SIM1: variants seen among roughly 807,000 people sequenced by gnomAD.
SIM1 encodes SIM bHLH transcription factor 1.
A neutral mutation model predicts 78.2 loss-of-function variants in SIM1; 18 were observed. The ratio of observed to expected loss-of-function variants is 0.23; its 90% confidence interval spans 0.16 to 0.34. The LOEUF (loss-of-function observed/expected upper bound fraction) is 0.34, where lower values mean the gene tolerates loss of function less well. Among genes scored for constraint, SIM1 ranks in the 10% least tolerant of loss-of-function variants. The probability of loss-of-function intolerance (pLI) is 1.00; values close to 1 mark genes in which losing one functional copy is unlikely to be tolerated. For missense variants in SIM1, 939 were observed against 975.1 expected, an observed-to-expected ratio of 0.96 and a Z score of 0.49; for synonymous variants, 417 against 385.2, an observed-to-expected ratio of 1.08 and a Z score of -0.97.
At position 100,448,042 on chromosome 6, in the gene SIM1, G is replaced by T. The variant is rs142413277; in HGVS notation, c.850+104C>A. Reference sequence around the variant, plus strand: ...ACACCACCACCACCCGGCTCCCTGGGCTCCCACCTGTCCTCTTGCGAGGGA... The same window carrying T: ...ACACCACCACCACCCGGCTCCCTGGTCTCCCACCTGTCCTCTTGCGAGGGA... On this transcript the variant is annotated intron_variant, in intron 8 of 11. Coordinates refer to ENST00000369208, the MANE Select transcript of SIM1 (RefSeq NM_005068.3). The T allele has an allele frequency of 1.2e-3, 1,070 of 894,472 alleles. 19 individuals carry two copies. The East Asian group carries it at 0.028, about 23-fold the overall frequency. 55.4% of individuals were successfully genotyped at this position (894,472 alleles called of 1,614,324 possible). A position where few individuals can be genotyped will look rare whatever the true frequency, so the allele number is the denominator to read the frequency against.
chr6:100,419,552 T>C (rs901721888), intron 10 of SIM1, among the ~76,000 whole-genome samples: 5 of 152,260 alleles, frequency 3.3e-5, no homozygotes, highest in African/African-American at 4.8e-5. Flanking sequence ...TACTGGATTG[T>C]CATTTTTACT....
At chr6:100,416,793 T>C (rs544672100) in intron 10 of SIM1, among the ~76,000 whole-genome samples, 1 of 152,250 alleles carries the variant, frequency 6.6e-6, no homozygotes, top group South Asian at 2.1e-4. Flanking sequence ...CAAGAAAAGA[T>C]ACAAGCAACA....
At chr6:100,402,053 A>T (rs1422071759) in intron 10 of SIM1, among the ~76,000 whole-genome samples, 1 of 152,188 alleles carries the variant, frequency 6.6e-6, no homozygotes, top group African/African-American at 2.4e-5. Context: ...GGAACAGACT[A>T]CCTTATAGGA....
At chr6:100,433,943 C>T (rs776682188) in intron 9 of SIM1, among the ~76,000 whole-genome samples, 1 of 152,116 alleles carries the variant, frequency 6.6e-6, no homozygotes, top group Non-Finnish European at 1.5e-5. Flanking sequence ...ATAGAGATGA[C>T]TACACTCTAA....
chr6:100,425,780 C>A (rs1043931464), intron 9 of SIM1, among the ~76,000 whole-genome samples: 16 of 152,170 alleles, frequency 1.1e-4, no homozygotes, highest in Admixed American at 9.2e-4. Context: ...TTTCTGGTAT[C>A]ACATATGTCC....
At chr6:100,417,020 T>C (rs1379270635) in intron 10 of SIM1, among the ~76,000 whole-genome samples, 4 of 152,020 alleles carry the variant, frequency 2.6e-5, no homozygotes, top group Admixed American at 1.3e-4. Context: ...GCCTAGCATA[T>C]AGTTGGTACC....
intron 2 of SIM1, chr6:100,462,808 G>A (rs927267315): frequency 5.9e-5 from 9 of 152,454 alleles, no homozygotes; most frequent in African/African-American, 2.2e-4. Context: ...TCACAAATAT[G>A]CATGTTACTC....
chr6:100,393,879 A>C lies in SIM1; in HGVS notation c.1178T>G (p.Phe393Cys), dbSNP rs775112789. The change falls in exon 11 of 12, where the codon TTT (phenylalanine) becomes TGT (cysteine). Residue 393 changes from phenylalanine (F) to cysteine (C), a missense_variant. This residue lies in a region of SIM1 where 556 missense variants were observed against 521.9 expected (regional missense o/e 1.07). Transcript: ENST00000369208. ...ATCAGATTCCGATCTTTCTGTGTGA[A>C]ATCCCGAATACTGAAACCGAGTAGG... Reference protein sequence around the residue: ...RTSPYPQYSGFHTERSESDHD... With the variant: ...RTSPYPQYSGCHTERSESDHD... 5 of 1,555,840 alleles carry C rather than the reference A, an allele frequency of 3.2e-6. No individual in the cohort carries two copies. The highest frequency in any genetic ancestry group is 3.8e-5 in the Admixed American group (2 of 52,586).
At chr6:100,426,959 A>C (rs974529203) in intron 9 of SIM1, among the ~76,000 whole-genome samples, 1 of 152,212 alleles carries the variant, frequency 6.6e-6, no homozygotes, top group African/African-American at 2.4e-5. Flanking sequence ...AAAGACATAC[A>C]ATTGATTTGG....
chr6:100,436,669 T>G (rs1035987876), intron 9 of SIM1, among the ~76,000 whole-genome samples: 1 of 152,188 alleles, frequency 6.6e-6, no homozygotes, highest in Non-Finnish European at 1.5e-5. Flanking sequence ...GTAGAACCCA[T>G]TATTACCCGC....
intron 2 of SIM1, among the ~76,000 whole-genome samples, chr6:100,454,759 A>G (rs1343499071): frequency 2.6e-5 from 4 of 151,896 alleles, no homozygotes; most frequent in East Asian, 3.9e-4. Flanking sequence ...AACGCTCCGG[A>G]CTCTTGTGGC....
At chr6:100,434,633 A>G (rs1771995150) in intron 9 of SIM1, among the ~76,000 whole-genome samples, 1 of 152,238 alleles carries the variant, frequency 6.6e-6, no homozygotes, top group African/African-American at 2.4e-5. Flanking sequence ...AACGGTTTTC[A>G]GTAGGAAGAG....
intron 10 of SIM1, among the ~76,000 whole-genome samples, chr6:100,402,646 C>T (rs983734741): frequency 8.3e-5 from 11 of 131,836 alleles, no homozygotes; most frequent in Non-Finnish European, 1.5e-4. Flanking sequence ...GGCACGATCT[C>T]GGCTCACGGC....
intron 9 of SIM1, among the ~76,000 whole-genome samples, chr6:100,424,014 AG>A (rs1771659977): frequency 6.6e-6 from 1 of 152,098 alleles, no homozygotes; most frequent in South Asian, 2.1e-4. Context: ...GGCTATAAGC[AG>A]TGAATAAACA....
intron 4 of SIM1, among the ~76,000 whole-genome samples, chr6:100,449,958 C>G (rs1772467248): frequency 6.6e-6 from 1 of 152,152 alleles, no homozygotes; most frequent in African/African-American, 2.4e-5. Context: ...GTAGCAACAG[C>G]AGCAGCAGTT....
chr6:100,393,915 C>G, intron 10 of SIM1, 26 bp from the exon 11 acceptor site: 1 of 1,513,904 alleles, frequency 6.6e-7, no homozygotes, highest in South Asian at 1.3e-5. Flanking sequence ...GGAGAAAAGT[C>G]CATTTCAAAA....
intron 10 of SIM1, among the ~76,000 whole-genome samples, chr6:100,417,171 C>T (rs1771425110): frequency 6.6e-6 from 1 of 152,144 alleles, no homozygotes; most frequent in African/African-American, 2.4e-5. Context: ...GAAGTCCCCT[C>T]TCCTCTCCCT....
chr6:100,436,330 T>C (rs1772048307), intron 9 of SIM1, among the ~76,000 whole-genome samples: 1 of 152,174 alleles, frequency 6.6e-6, no homozygotes, highest in South Asian at 2.1e-4. Context: ...GCTTGGCACA[T>C]AATAGGTGTT....
chr6:100,447,685 G>A (rs1345225481), intron 8 of SIM1, among the ~76,000 whole-genome samples: 3 of 152,212 alleles, frequency 2.0e-5, no homozygotes, highest in Admixed American at 6.5e-5. Flanking sequence ...GAGTTTGGAG[G>A]TTTCCTCCAG....
Sources: gnomAD v4.1 joint callset for allele counts (sites outside exome capture counted in the v4.1 genomes callset) on GRCh38, gnomAD v4.1.1 for gene constraint, gnomAD v4.1.1 regional missense constraint, MANE v1.5 for transcripts, NCBI Gene and HGNC (gene_info 2026-07-23, HGNC 2026-07-21) for gene names.